The following TRPM1 variants were observed in gnomAD, a reference collection of about 807,000 sequenced individuals.
TRPM1 encodes the protein TRPM1-203 APA Isoform, Intron 10.
In TRPM1, 113 loss-of-function variants were observed where a neutral mutation model predicts 149.4. That is an observed-to-expected ratio of 0.76 (90% CI 0.65 to 0.88). The LOEUF is 0.88. TRPM1 is among the 40% of genes least tolerant of loss of function. The pLI is 0.00. For missense variants in TRPM1, 1,976 were observed against 2,038.7 expected (o/e 0.97, Z 0.59); for synonymous variants, 741 against 759.5 (o/e 0.98, Z 0.40).
chr15:31,084,676 CTTT>C (rs59470983), intron 1 of TRPM1, among the ~76,000 whole-genome samples: 8 of 128,464 alleles, frequency 6.2e-5, no homozygotes, highest in South Asian at 2.6e-4. Context: ...TTTTTCTTTT[CTTT>C]TTTTTTTTTT....
At chr15:31,043,393 C>A (rs576323019) in intron 16 of TRPM1, among the ~76,000 whole-genome samples, 1 of 151,986 alleles carries the variant, frequency 6.6e-6, no homozygotes, top group African/African-American at 2.4e-5. Flanking sequence ...GGGGTTTCAC[C>A]GTGTTAGCCA....
intron 1 of TRPM1, among the ~76,000 whole-genome samples, chr15:31,143,517 C>T (rs1162171319): frequency 2.6e-5 from 4 of 152,200 alleles, no homozygotes; most frequent in Middle Eastern, 3.4e-3. Context: ...TGCCTCCAAG[C>T]GATTCTCCTA....
chr15:31,067,957 T>G lies in TRPM1; in HGVS notation c.415A>C (p.Lys139Gln). 1 of 1,614,208 alleles carries G rather than the reference T, an allele frequency of 6.2e-7. No homozygotes were observed. The highest frequency in any genetic ancestry group is 2.2e-5 in the East Asian group (1 of 44,884). Residue 139 changes from lysine (K) to glutamine (Q), a missense_variant, in exon 5 of 28, where the codon AAA (lysine) becomes CAA (glutamine). Around this residue, in one of 3 missense-constraint regions of TRPM1, gnomAD observed 1,332 missense variants for 1,347.1 expected, o/e 0.99. Coordinates refer to ENST00000256552, the MANE Select transcript of TRPM1 (RefSeq NM_001252024.2). ...ATCAGGCCTTTCCCAAAGACTTGTT[T>G]CAGCTTGGGCTGCATCTCAAAGTTC... ...LQNFEMQPKL[K>Q]QVFGKGLIKA...
At chr15:31,142,015 G>A (rs2036169036) in intron 1 of TRPM1, among the ~76,000 whole-genome samples, 1 of 152,140 alleles carries the variant, frequency 6.6e-6, no homozygotes, top group Admixed American at 6.5e-5. Flanking sequence ...GAGCCCAGGG[G>A]TTCAAGACCA....
At chr15:31,020,239 C>G (rs1188530519) in intron 27 of TRPM1, among the ~76,000 whole-genome samples, 1 of 152,244 alleles carries the variant, frequency 6.6e-6, no homozygotes, top group South Asian at 2.1e-4. Context: ...ACTTGCAACA[C>G]GTTAGTGCCA....
intron 27 of TRPM1, among the ~76,000 whole-genome samples, chr15:31,024,973 C>A (rs2032672273): frequency 6.6e-6 from 1 of 152,142 alleles, no homozygotes; most frequent in African/African-American, 2.4e-5. Flanking sequence ...GGAACCGAGG[C>A]CAGGGACCCA....
rs117033844 is a variant in TRPM1 at position 31,031,459 on chromosome 15, G to A, written c.2953-302C>T. 2,023 of 470,890 alleles carry A rather than the reference G, an allele frequency of 4.3e-3. 8 individuals are homozygous for A. The highest frequency in any genetic ancestry group is 6.1e-3 in the Non-Finnish European group (1,602 of 261,466). The allele number at this position is 470,890 out of a possible 1,614,324, so 29.2% of individuals were successfully genotyped here. On this transcript the variant is annotated intron_variant, in intron 22 of 27. Transcript: ENST00000256552. ...TAACTACAACTGCAAATGGAGAAAGGGAAGAATTAGAAGAAAAGATGGGAG... is the reference window on the plus strand; with the variant it reads ...TAACTACAACTGCAAATGGAGAAAGAGAAGAATTAGAAGAAAAGATGGGAG...
intron 17 of TRPM1, 59 bp downstream of exon 17, chr15:31,041,892 G>A (rs1233222668): frequency 1.9e-6 from 3 of 1,596,030 alleles, no homozygotes; most frequent in Non-Finnish European, 1.7e-6. Context: ...CCTCCCTGCA[G>A]AGACAAGTAC....
chr15:31,136,677 T>A (rs1441741576), intron 1 of TRPM1, among the ~76,000 whole-genome samples: 1 of 151,808 alleles, frequency 6.6e-6, no homozygotes, highest in African/African-American at 2.4e-5. Context: ...CCTTGTCTCA[T>A]AAGGAAAGTC....
Position 31,049,444 on chromosome 15 carries a change from G to A in TRPM1, c.1503C>T (p.Leu501=), listed in dbSNP as rs978144452. 3.1e-6 allele frequency: 5 copies of A among 1,614,028 alleles called. No homozygotes were observed. Among genetic ancestry groups the A allele is most frequent in the Non-Finnish European group, 4.2e-6 (5 of 1,180,040 alleles). The change falls in exon 13 of 28, where the codon CTC becomes CTT. Residue 501 remains leucine, a synonymous_variant. Coordinates refer to ENST00000256552, the MANE Select transcript of TRPM1 (RefSeq NM_001252024.2). The stretch of plus-strand genomic sequence containing the variant: ...GCATGTTCACTCCGTTTTCAATCAG[G>A]AGCTTCACAAAGTCGACACGATCTA... ...LVLDRVDFVK[L]LIENGVNMQH...
chr15:31,147,966 G>A (rs2036243815), intron 1 of TRPM1, among the ~76,000 whole-genome samples: 2 of 152,196 alleles, frequency 1.3e-5, no homozygotes, highest in South Asian at 4.1e-4. Context: ...TGGTGTGCCT[G>A]TGGCATTGCT....
At chr15:31,098,744 C>T (rs779183642) in intron 1 of TRPM1, among the ~76,000 whole-genome samples, 18 of 152,184 alleles carry the variant, frequency 1.2e-4, no homozygotes, top group Middle Eastern at 3.4e-3. Flanking sequence ...TCAGGCATTA[C>T]CCACCCTGGG....
intron 1 of TRPM1, among the ~76,000 whole-genome samples, chr15:31,136,891 T>C (rs1453848363): frequency 6.6e-6 from 1 of 152,122 alleles, no homozygotes. Flanking sequence ...TTTGCTGTAA[T>C]TTCTTCTTTT....
At position 31,031,067 on chromosome 15, in the gene TRPM1, T is replaced by C. The variant is rs746064125; in HGVS notation, c.3043A>G (p.Lys1015Glu). The part of the protein sequence containing the change: ...ARQAILHPEE[K>E]PSWKLARNIF... ...TTTCGGGCCAGTTTCCAAGAGGGCT[T>C]CTCCTCTGGATGCAGAATGGCTTGA... Residue 1015 changes from lysine to glutamate, a missense_variant, in exon 23 of 28, where the codon AAG (lysine) becomes GAG (glutamate). Transcript: ENST00000256552. 5 of 1,614,170 alleles carry C rather than the reference T, an allele frequency of 3.1e-6. No individual in the cohort carries two copies. The East Asian group carries it at 8.9e-5, about 29-fold the overall frequency.
Position 31,042,195 on chromosome 15 carries a change from C to CCTTTTTCTTCTTTTT in TRPM1, c.1828_1842dup (p.Lys610_Lys614dup). 1 of 1,612,072 alleles carries CCTTTTTCTTCTTTTT rather than the reference C, an allele frequency of 6.2e-7. No homozygotes were observed. ...TCCACATCAATGTCGATCTCTTCCT[C>CCTTTTTCTTCTTTTT]CTTTTTCTTCTTTTTCTTTTTCTTC... On this transcript the variant is annotated inframe_insertion, in exon 17 of 28. Coordinates refer to ENST00000256552, the MANE Select transcript of TRPM1 (RefSeq NM_001252024.2).
At chr15:31,090,313 G>T (rs2141000130) in intron 1 of TRPM1, among the ~76,000 whole-genome samples, 1 of 152,254 alleles carries the variant, frequency 6.6e-6, no homozygotes, top group East Asian at 1.9e-4. Context: ...TTGCTTTCTA[G>T]AAATGATTCC....
chr15:31,041,535 C>A (rs1046410895), intron 17 of TRPM1, among the ~76,000 whole-genome samples: 8 of 152,178 alleles, frequency 5.3e-5, no homozygotes, highest in Admixed American at 2.0e-4. Flanking sequence ...CTCCAGCCCC[C>A]TCTAGCCATC....
At chr15:31,106,648 TC>T (rs1255619129), upstream of TRPM1, among the ~76,000 whole-genome samples, 2 of 152,166 alleles carry the variant, frequency 1.3e-5, no homozygotes, top group African/African-American at 4.8e-5. Context: ...GTGGCCCGAA[TC>T]CCTGAGTGGA....
chr15:31,133,525 G>A (rs534371240), intron 1 of TRPM1, among the ~76,000 whole-genome samples: 40 of 152,202 alleles, frequency 2.6e-4, no homozygotes, highest in African/African-American at 5.5e-4. Context: ...GTGAAACCCC[G>A]TCTCTACAAA....
Sources: allele counts gnomAD v4.1 joint callset (sites outside exome capture counted in the v4.1 genomes callset), GRCh38; gene constraint gnomAD v4.1.1; regional missense constraint gnomAD v4.1.1; transcripts MANE v1.5; gene names NCBI Gene and HGNC (gene_info 2026-07-23, HGNC 2026-07-21).